Variants in B3GALT1 observed in about 807,000 individuals in gnomAD.
The protein encoded by B3GALT1 is beta-1,3-galactosyltransferase 1, also known as UDP-Gal:betaGlcNAc beta 1,3-galactosyltransferase, polypeptide 1.
Under a neutral mutation model 23.2 loss-of-function variants are expected in B3GALT1, and 10 were observed. The ratio of observed to expected loss-of-function variants is 0.43; its 90% CI spans 0.27 to 0.73. B3GALT1 has a LOEUF of 0.73. Among genes scored for constraint, B3GALT1 ranks in the 30% least tolerant of loss-of-function variants. B3GALT1 has a pLI of 0.21. For synonymous variants in B3GALT1, 156 were observed against 141.5 expected (o/e 1.10, Z -0.73); for missense variants, 299 against 405.4 (o/e 0.74, Z 2.25).
chr2:167,588,068 A>T (rs999108575), intron 2 of B3GALT1, among the ~76,000 whole-genome samples: 4 of 152,158 alleles, frequency 2.6e-5, no homozygotes, highest in African/African-American at 9.7e-5. Flanking sequence ...ATCCTGATGA[A>T]ATCATTGCAC....
At chr2:167,445,758 T>C (rs900540862) in intron 1 of B3GALT1, among the ~76,000 whole-genome samples, 1 of 152,222 alleles carries the variant, frequency 6.6e-6, no homozygotes, top group African/African-American at 2.4e-5. Flanking sequence ...GATGTGTGTC[T>C]CTGCACGTGA....
At chr2:167,465,919 A>G (rs1699336903) in intron 1 of B3GALT1, among the ~76,000 whole-genome samples, 1 of 151,992 alleles carries the variant, frequency 6.6e-6, no homozygotes, top group Non-Finnish European at 1.5e-5. Context: ...TCCATCTCCA[A>G]GGGCCTTTCT....
intron 3 of B3GALT1, among the ~76,000 whole-genome samples, chr2:167,768,708 T>A (rs1296792671): frequency 5.3e-5 from 8 of 152,198 alleles, no homozygotes; most frequent in African/African-American, 1.7e-4. Flanking sequence ...GAATGCATCC[T>A]TTTCTTGGCA....
intron 1 of B3GALT1, among the ~76,000 whole-genome samples, chr2:167,397,466 T>C (rs1017161617): frequency 4.6e-5 from 7 of 152,078 alleles, no homozygotes; most frequent in East Asian, 3.9e-4. Context: ...AGGCACTGTA[T>C]TGAAATGTTA....
At chr2:167,828,986 A>G (rs1689286364) in intron 4 of B3GALT1, among the ~76,000 whole-genome samples, 1 of 152,186 alleles carries the variant, frequency 6.6e-6, no homozygotes. Flanking sequence ...TCTGTGTACT[A>G]TAACAGAGAG....
At chr2:167,483,917 A>T (rs1388515781) in intron 1 of B3GALT1, among the ~76,000 whole-genome samples, 1 of 152,048 alleles carries the variant, frequency 6.6e-6, no homozygotes, top group Non-Finnish European at 1.5e-5. Context: ...CATGGATCGC[A>T]TGGAAATTCC....
intron 1 of B3GALT1, among the ~76,000 whole-genome samples, chr2:167,397,755 G>C (rs776546924): frequency 3.9e-5 from 6 of 152,064 alleles, no homozygotes; most frequent in Non-Finnish European, 8.8e-5. Flanking sequence ...GAATTTTCTT[G>C]TCCTGTGAGT....
intron 2 of B3GALT1, among the ~76,000 whole-genome samples, chr2:167,644,431 G>C (rs771946741): frequency 6.6e-6 from 1 of 152,096 alleles, no homozygotes; most frequent in African/African-American, 2.4e-5. Context: ...TGAAAACCCT[G>C]TACCCAGAGT....
chr2:167,358,350 T>C lies in B3GALT1; in HGVS notation c.-511+65016T>C, dbSNP rs146217330. 9.8e-5 allele frequency among the ~76,000 whole-genome samples: 15 copies of C among 152,332 alleles called. No homozygotes were observed. The East Asian group carries it at 2.9e-3, about 29-fold the overall frequency. On this transcript the variant is annotated intron_variant, in intron 1 of 4. Coordinates refer to ENST00000392690, the MANE Select transcript of B3GALT1 (RefSeq NM_020981.4). Reference sequence around the variant, plus strand: ...GGACATTGAGTTTAGGATTTACTTTTATGGGCTATTGATTACATCGGCAGA... The same window carrying C: ...GGACATTGAGTTTAGGATTTACTTTCATGGGCTATTGATTACATCGGCAGA...
rs183848888 is a variant in B3GALT1 at position 167,503,504 on chromosome 2, A to G, written c.-410+13227A>G. Among the ~76,000 whole-genome samples the G allele has an allele frequency of 2.0e-3, 300 of 152,308 alleles. 2 individuals are homozygous for G. The highest frequency in any genetic ancestry group is 2.8e-3 in the Non-Finnish European group (193 of 68,024). On this transcript the variant is annotated intron_variant, in intron 2 of 4. Coordinates refer to ENST00000392690, the MANE Select transcript of B3GALT1 (RefSeq NM_020981.4). ...AAATAATGTCAAAATAAAGAAGCTTAACACTAAAAACTCTTTACAGTAAAT... is the reference window on the plus strand; with the variant it reads ...AAATAATGTCAAAATAAAGAAGCTTGACACTAAAAACTCTTTACAGTAAAT...
chr2:167,734,430 C>A (rs558322709), intron 3 of B3GALT1, among the ~76,000 whole-genome samples: 2 of 152,280 alleles, frequency 1.3e-5, no homozygotes, highest in African/African-American at 4.8e-5. Flanking sequence ...GCAATAGCAA[C>A]TTTTCAGTTT....
intron 1 of B3GALT1, among the ~76,000 whole-genome samples, chr2:167,429,137 C>T (rs374568979): frequency 5.5e-4 from 83 of 151,842 alleles, no homozygotes; most frequent in African/African-American, 1.7e-3. Context: ...AAAAATTAGC[C>T]GGGCATGGTG....
intron 1 of B3GALT1, among the ~76,000 whole-genome samples, chr2:167,481,993 T>A (rs865805453): frequency 6.6e-6 from 1 of 152,196 alleles, no homozygotes; most frequent in Non-Finnish European, 1.5e-5. Flanking sequence ...TCTTTTTTTT[T>A]AGAAAACAAT....
At chr2:167,830,118 G>C (rs529624529) in intron 4 of B3GALT1, among the ~76,000 whole-genome samples, 1 of 152,134 alleles carries the variant, frequency 6.6e-6, no homozygotes. Context: ...TCTCTCTGTC[G>C]TTCTCGCCAA....
rs1211999226 is a variant in B3GALT1, at chr2:167,521,980, G to GTATATATA, written c.-410+31704_-410+31705insATATATAT. 4.1e-3 allele frequency among the ~76,000 whole-genome samples: 529 copies of GTATATATA among 128,040 alleles called. 5 individuals are homozygous for GTATATATA. The highest frequency in any genetic ancestry group is 0.012 in the African/African-American group (381 of 33,084). The allele number at this position is 128,040 out of a possible 152,430, so 84.0% of individuals were successfully genotyped here. On this transcript the variant is annotated intron_variant, in intron 2 of 4. Coordinates refer to ENST00000392690, the MANE Select transcript of B3GALT1 (RefSeq NM_020981.4). ...ATTACCAACATATATGTGTGTGTGT[G>GTATATATA]TGTGTATATATATATATATATATAT...
At chr2:167,678,650 G>T (rs1448935460) in intron 3 of B3GALT1, among the ~76,000 whole-genome samples, 1 of 152,132 alleles carries the variant, frequency 6.6e-6, no homozygotes, top group African/African-American at 2.4e-5. Context: ...TTAAATGTTT[G>T]TTGGCTTTTC....
chr2:167,542,068 A>G (rs192159611), intron 2 of B3GALT1, among the ~76,000 whole-genome samples: 45 of 152,202 alleles, frequency 3.0e-4, no homozygotes, highest in African/African-American at 9.9e-4. Context: ...TTTATTTATT[A>G]CATGTGTAAA....
At chr2:167,560,099 C>A (rs902087455) in intron 2 of B3GALT1, among the ~76,000 whole-genome samples, 100 of 152,272 alleles carry the variant, frequency 6.6e-4, no homozygotes, top group Non-Finnish European at 8.8e-4. Context: ...AGACTAACAG[C>A]AGATCTCTCA....
At chr2:167,571,928 A>T (rs577599631) in intron 2 of B3GALT1, among the ~76,000 whole-genome samples, 1 of 152,004 alleles carries the variant, frequency 6.6e-6, no homozygotes, top group South Asian at 2.1e-4. Context: ...AGAATCCAAA[A>T]TTAGAGTATA....
Sources: gnomAD v4.1 joint callset for allele counts (sites outside exome capture counted in the v4.1 genomes callset) on GRCh38, gnomAD v4.1.1 for gene constraint, MANE v1.5 for transcripts, NCBI Gene and HGNC (gene_info 2026-07-23, HGNC 2026-07-21) for gene names.